Variants in WWP2 observed in about 807,000 individuals in gnomAD.
WWP2 encodes WW domain containing E3 ubiquitin protein ligase 2.
Under a neutral mutation model 121.0 loss-of-function variants are expected in WWP2, and 57 were observed. The observed-to-expected ratio is 0.47, with a 90% CI of 0.38 to 0.59. The LOEUF (loss-of-function observed/expected upper bound fraction) is 0.59, where lower values mean the gene tolerates loss of function less well. WWP2 is among the 20% of genes least tolerant of loss of function. The probability of loss-of-function intolerance (pLI) is 0.00; values close to 1 mark genes in which losing one functional copy is unlikely to be tolerated. For synonymous variants in WWP2, 449 were observed against 441.3 expected (o/e 1.02, Z -0.22); for missense variants, 962 against 1,158.9 (o/e 0.83, Z 2.47).
At chr16:69,849,368 T>C (rs2057155744) in intron 6 of WWP2, among the ~76,000 whole-genome samples, 1 of 152,202 alleles carries the variant, frequency 6.6e-6, no homozygotes, top group Non-Finnish European at 1.5e-5. Flanking sequence ...TTAGAGATGT[T>C]GCCCTGTCAG....
intron 8 of WWP2, among the ~76,000 whole-genome samples, chr16:69,908,032 G>A (rs972478749): frequency 4.6e-5 from 7 of 152,118 alleles, no homozygotes; most frequent in African/African-American, 1.4e-4. Flanking sequence ...CTTGAGCTCA[G>A]GGGTTCCAGA....
intron 1 of WWP2, among the ~76,000 whole-genome samples, chr16:69,773,613 T>A (rs1268426735): frequency 6.6e-6 from 1 of 152,144 alleles, no homozygotes; most frequent in Non-Finnish European, 1.5e-5. Context: ...CCTGAGTAGC[T>A]GGGACTACAG....
At position 69,780,535 on chromosome 16, in the gene WWP2, A is replaced by G. The variant is rs148222691; in HGVS notation, c.-15-6461A>G. Among the ~76,000 whole-genome samples, 293 of 152,266 alleles carry G rather than the reference A, an allele frequency of 1.9e-3. 2 individuals carry two copies. The highest frequency in any genetic ancestry group is 6.6e-3 in the African/African-American group (276 of 41,544). ...GGTGGGTCCAAAATTACGCGTCTTT[A>G]ACTCTGCCGGAGGTTGTCAGCTGCC... On this transcript the variant is annotated intron_variant, in intron 1 of 23. Transcript: ENST00000359154.
chr16:69,929,495 C>T lies in WWP2; in HGVS notation c.1282C>T (p.Arg428Cys), dbSNP rs1163346636. Residue 428 changes from arginine to cysteine, a missense_variant, in exon 12 of 24, where the codon CGC becomes TGC. This residue lies in a region of WWP2 where 606 missense variants were observed against 772.6 expected (regional missense o/e 0.78). Transcript: ENST00000359154. ...GRVYYVNHNT[R>C]TTQWEDPRTQ... ...GGTGTATTACGTGAACCATAACACT[C>T]GCACGACCCAGTGGGAGGATCCCCG... The T allele has an allele frequency of 5.0e-6, 8 of 1,614,132 alleles. No homozygotes were observed. Among genetic ancestry groups the T allele is most frequent in the Admixed American group, 1.7e-5 (1 of 60,024 alleles).
chr16:69,837,161 G>A (rs951965214), intron 4 of WWP2, among the ~76,000 whole-genome samples: 1 of 151,106 alleles, frequency 6.6e-6, no homozygotes, highest in Non-Finnish European at 1.5e-5. Context: ...CTGGACTCAA[G>A]CAATCCATCC....
In WWP2 at chr16:69,934,134, G is replaced by C. The variant is rs2058760718; in HGVS notation, c.1842+5G>C. ...ATAGGCAGATTCATCGCCATGGTAA[G>C]GGGGCCCCAGGGGTCTGCCTAGTTC... On this transcript the variant is annotated splice_donor_5th_base_variant and intron_variant, in intron 17 of 23. Transcript: ENST00000359154. 2 of 1,613,932 alleles carry C rather than the reference G, an allele frequency of 1.2e-6. No homozygotes were observed. Among genetic ancestry groups the C allele is most frequent in the Admixed American group, 1.7e-5 (1 of 59,998 alleles).
At chr16:69,908,167 C>G (rs562738324) in intron 8 of WWP2, among the ~76,000 whole-genome samples, 2 of 152,100 alleles carry the variant, frequency 1.3e-5, no homozygotes, top group African/African-American at 4.8e-5. Context: ...ATTGCTTGAG[C>G]CTGGGAGGTG....
intron 10 of WWP2, among the ~76,000 whole-genome samples, chr16:69,921,315 C>G (rs993750743): frequency 6.6e-5 from 10 of 152,096 alleles, no homozygotes; most frequent in Admixed American, 2.0e-4. Flanking sequence ...TGGCTTAGGC[C>G]CAGAGTTTGA....
intron 1 of WWP2, among the ~76,000 whole-genome samples, chr16:69,767,623 C>T (rs922043683): frequency 6.6e-6 from 1 of 152,102 alleles, no homozygotes; most frequent in Non-Finnish European, 1.5e-5. Flanking sequence ...AGAGAAGGGG[C>T]TGTCTGCAAA....
At chr16:69,896,229 C>T (rs1004445512) in intron 8 of WWP2, among the ~76,000 whole-genome samples, 2 of 152,146 alleles carry the variant, frequency 1.3e-5, no homozygotes, top group East Asian at 1.9e-4. Flanking sequence ...TCAAGCAGTT[C>T]TCCTGCCTCA....
At chr16:69,865,278 G>A (rs1001125537) in intron 6 of WWP2, among the ~76,000 whole-genome samples, 3 of 151,722 alleles carry the variant, frequency 2.0e-5, no homozygotes, top group Admixed American at 1.3e-4. Flanking sequence ...TCGAACTCCC[G>A]ACCTCAGGTG....
intron 9 of WWP2, among the ~76,000 whole-genome samples, chr16:69,911,844 C>T (rs2058383126): frequency 6.6e-6 from 1 of 152,092 alleles, no homozygotes; most frequent in Non-Finnish European, 1.5e-5. Flanking sequence ...AGATGTTAAT[C>T]AAAGTTTAGT....
intron 8 of WWP2, among the ~76,000 whole-genome samples, chr16:69,905,845 T>TG (rs1039993508): frequency 2.8e-4 from 42 of 152,306 alleles, no homozygotes; most frequent in African/African-American, 9.1e-4. Flanking sequence ...CTCATGGGCT[T>TG]GGGGGGCAGA....
rs1456907727 is a variant in WWP2, at chr16:69,941,051, CA to C, written c.*1112del. The C allele has an allele frequency of 6.5e-6, 1 of 152,752 alleles. No homozygotes were observed. Among genetic ancestry groups the C allele is most frequent in the African/African-American group, 2.4e-5 (1 of 41,436 alleles). The allele number at this position is 152,752 out of a possible 1,614,324, so 9.5% of individuals were successfully genotyped here. A position where few individuals can be genotyped will look rare whatever the true frequency, so the allele number is the denominator to read the frequency against. ...CTGTTCAGAATGGAGTGCAGCCCGCCAGCGGAAAGTGTTCATTCTGCATAGG... is the reference window on the plus strand; with the variant it reads ...CTGTTCAGAATGGAGTGCAGCCCGCCGCGGAAAGTGTTCATTCTGCATAGG... On this transcript the variant is annotated 3_prime_UTR_variant, in exon 24 of 24. Transcript: ENST00000359154.
intron 1 of WWP2, among the ~76,000 whole-genome samples, chr16:69,764,751 A>C (rs990181252): frequency 6.6e-6 from 1 of 152,216 alleles, no homozygotes; most frequent in South Asian, 2.1e-4. Context: ...TGAGCACTGG[A>C]GCTATGCTGT....
Position 69,926,740 on chromosome 16 carries a change from C to G in WWP2, c.1234+1256C>G, listed in dbSNP as rs139455260. Among the ~76,000 whole-genome samples, 509 of 152,258 alleles carry G rather than the reference C, an allele frequency of 3.3e-3. 6 individuals carry two copies. The highest frequency in any genetic ancestry group is 0.012 in the African/African-American group (495 of 41,550). Reference sequence around the variant, plus strand: ...CGCAGATAGCTGCCCCACATGGCTCCCTGGACCAAAGAAAGATCATTAGTA... The same window carrying G: ...CGCAGATAGCTGCCCCACATGGCTCGCTGGACCAAAGAAAGATCATTAGTA... On this transcript the variant is annotated intron_variant, in intron 11 of 23. Transcript: ENST00000359154.
chr16:69,883,400 G>GCACACA (rs59771717), intron 7 of WWP2, among the ~76,000 whole-genome samples: 13,193 of 145,846 alleles, frequency 0.09, 810 homozygotes, highest in East Asian at 0.34. Context: ...AAGAATGTGC[G>GCACACA]CACACACACA....
chr16:69,937,639 A>G lies in WWP2; in HGVS notation c.2330A>G (p.Gln777Arg). ...RHYTKNSKQIQWFWQVVKEMD... is the reference protein window; with the variant it reads ...RHYTKNSKQIRWFWQVVKEMD... ...TACACCAAGAACAGCAAGCAGATCC[A>G]GTGGTTCTGGCAGGTGGGTCCCGGG... Residue 777 changes from glutamine to arginine, a missense_variant, in exon 21 of 24, where the codon CAG (glutamine) becomes CGG (arginine). Gln to Arg is a conservative substitution (Grantham distance 43). This residue lies in a region of WWP2 where 606 missense variants were observed against 772.6 expected (regional missense o/e 0.78). Transcript: ENST00000359154. The surrounding 1 kb of genome is among the most constrained non-coding windows in gnomAD (Gnocchi z 6.6). The G allele has an allele frequency of 6.2e-7, 1 of 1,613,948 alleles. No homozygotes were observed. Among genetic ancestry groups the G allele is most frequent in the Non-Finnish European group, 8.5e-7 (1 of 1,179,978 alleles).
chr16:69,847,946 CTG>C (rs1819551647), intron 6 of WWP2, among the ~76,000 whole-genome samples: 1 of 152,162 alleles, frequency 6.6e-6, no homozygotes, highest in Non-Finnish European at 1.5e-5. Flanking sequence ...ACAGGACTGT[CTG>C]TGAGTGGAGC....
Sources: allele counts gnomAD v4.1 joint callset (sites outside exome capture counted in the v4.1 genomes callset), GRCh38; gene constraint gnomAD v4.1.1; regional missense constraint gnomAD v4.1.1; non-coding constraint Gnocchi (gnomAD v3.1); transcripts MANE v1.5; gene names NCBI Gene and HGNC (gene_info 2026-07-23, HGNC 2026-07-21).